Variants in CSMD3 observed in about 807,000 individuals in gnomAD.
CSMD3 encodes the protein CUB and Sushi multiple domains 3, also known as CUB and sushi domain-containing protein 3.
Under a neutral mutation model 435.2 loss-of-function variants are expected in CSMD3, and 177 were observed. The observed-to-expected ratio is 0.41, with a 90% CI of 0.36 to 0.46. The LOEUF (loss-of-function observed/expected upper bound fraction) is 0.46. CSMD3 is among the 20% of genes least tolerant of loss of function. CSMD3 has a pLI of 0.34. For missense variants in CSMD3, 4,265 were observed against 4,504.6 expected, an observed-to-expected ratio of 0.95 and a Z score of 1.52; for synonymous variants, 1,656 against 1,520.5, an observed-to-expected ratio of 1.09 and a Z score of -2.07.
chr8:112,627,959 C>T (rs1834627976), intron 22 of CSMD3, among the ~76,000 whole-genome samples: 1 of 152,128 alleles, frequency 6.6e-6, no homozygotes, highest in Admixed American at 6.6e-5. Context: ...ATTCATGTGC[C>T]AGCTACAGTA....
At chr8:112,467,230 T>G (rs1211790836) in intron 32 of CSMD3, among the ~76,000 whole-genome samples, 2 of 152,206 alleles carry the variant, frequency 1.3e-5, no homozygotes, top group Non-Finnish European at 2.9e-5. Context: ...AGAAGGCAGA[T>G]TACTGGGGCA....
At chr8:112,682,840 AAT>A (rs1246753606) in intron 15 of CSMD3, among the ~76,000 whole-genome samples, 1 of 152,098 alleles carries the variant, frequency 6.6e-6, no homozygotes, top group Non-Finnish European at 1.5e-5. Flanking sequence ...AATAAATGTG[AAT>A]GTTTTAAAAT....
intron 11 of CSMD3, among the ~76,000 whole-genome samples, chr8:112,837,339 T>C (rs1430356015): frequency 6.6e-6 from 1 of 151,712 alleles, no homozygotes; most frequent in Non-Finnish European, 1.5e-5. Flanking sequence ...CCAAACAAAT[T>C]AATGATGCTT....
chr8:113,265,009 A>G (rs1018599708), intron 3 of CSMD3, among the ~76,000 whole-genome samples: 4 of 151,680 alleles, frequency 2.6e-5, no homozygotes, highest in Non-Finnish European at 5.9e-5. Context: ...AATGAGTAAA[A>G]CATGTTCTAT....
At chr8:113,321,020 T>G (rs1035325017) in intron 1 of CSMD3, among the ~76,000 whole-genome samples, 5 of 152,054 alleles carry the variant, frequency 3.3e-5, no homozygotes, top group African/African-American at 1.2e-4. Flanking sequence ...CCCTCTTTGT[T>G]TTTCTATTCT....
At chr8:113,327,476 G>T (rs1377596099) in intron 1 of CSMD3, among the ~76,000 whole-genome samples, 1 of 151,928 alleles carries the variant, frequency 6.6e-6, no homozygotes, top group Non-Finnish European at 1.5e-5. Flanking sequence ...ACTAATAATG[G>T]CATGGAATAT....
intron 1 of CSMD3, among the ~76,000 whole-genome samples, chr8:113,397,914 G>A (rs529737611): frequency 1.3e-5 from 2 of 152,042 alleles, no homozygotes; most frequent in African/African-American, 4.8e-5. Flanking sequence ...TCAAACAGCA[G>A]GTTTTGCTTG....
intron 3 of CSMD3, among the ~76,000 whole-genome samples, chr8:113,218,067 T>C (rs1522060): frequency 0.3 from 45,563 of 150,430 alleles, 7,991 homozygotes; most frequent in East Asian, 0.7. Context: ...GTTCACAGGA[T>C]GCCTTCCTAT....
intron 17 of CSMD3, among the ~76,000 whole-genome samples, chr8:112,657,061 C>CTTTTTT (rs11387284): frequency 7.6e-6 from 1 of 131,634 alleles, no homozygotes; most frequent in African/African-American, 2.8e-5. Context: ...TTTCTTTTTA[C>CTTTTTT]TTTTTTTTTT....
intron 51 of CSMD3, among the ~76,000 whole-genome samples, chr8:112,305,221 T>C (rs896866901): frequency 6.6e-6 from 1 of 152,188 alleles, no homozygotes; most frequent in African/African-American, 2.4e-5. Context: ...GAAAAGACTA[T>C]ATTTTGAGGA....
At chr8:112,700,710 C>T (rs958056049) in intron 13 of CSMD3, among the ~76,000 whole-genome samples, 3 of 152,024 alleles carry the variant, frequency 2.0e-5, no homozygotes, top group Non-Finnish European at 2.9e-5. Context: ...TAACAGTTGC[C>T]GTTTTCTTGT....
intron 32 of CSMD3, among the ~76,000 whole-genome samples, 199 bp from the exon 33 acceptor site, chr8:112,409,231 C>A (rs2130084492): frequency 6.6e-6 from 1 of 151,870 alleles, no homozygotes. Flanking sequence ...AAAGAAGTGA[C>A]CATGACCTAA....
chr8:112,543,557 G>A (rs1166093659), intron 27 of CSMD3, among the ~76,000 whole-genome samples: 1 of 151,984 alleles, frequency 6.6e-6, no homozygotes, highest in East Asian at 1.9e-4. Flanking sequence ...CCTGTCAGGA[G>A]GGTTATTATT....
intron 31 of CSMD3, among the ~76,000 whole-genome samples, chr8:112,477,221 A>G (rs997451531): frequency 6.6e-6 from 1 of 152,164 alleles, no homozygotes; most frequent in Non-Finnish European, 1.5e-5. Flanking sequence ...TGCGATGGAA[A>G]TTGCTTGTTC....
At chr8:112,374,215 A>G (rs1828725929) in intron 38 of CSMD3, among the ~76,000 whole-genome samples, 1 of 152,182 alleles carries the variant, frequency 6.6e-6, no homozygotes, top group South Asian at 2.1e-4. Flanking sequence ...ATAAAATTTT[A>G]AAAAATGATT....
chr8:112,551,266 T>A (rs2131193336), intron 26 of CSMD3, among the ~76,000 whole-genome samples: 1 of 152,236 alleles, frequency 6.6e-6, no homozygotes, highest in East Asian at 1.9e-4. Context: ...ATAATTTTTA[T>A]CTTAATTTTA....
Position 112,638,724 on chromosome 8 carries a change from T to G in CSMD3, c.3498A>C (p.Ser1166=). 1 of 1,599,722 alleles carries G rather than the reference T, an allele frequency of 6.3e-7. No homozygotes were observed. The highest frequency in any genetic ancestry group is 8.6e-7 in the Non-Finnish European group (1 of 1,167,296). ...AGAATGTTATGTTAAATCCTTCATA[T>G]GATATTGAAAAATCTGAAATGAAAC... ...QLRFISDFSI[S]YEGFNITFSE... Residue 1166 remains serine, a synonymous_variant, in exon 21 of 71, where the codon TCA becomes TCC. Transcript: ENST00000297405.
At chr8:113,230,166 T>C (rs2093069389) in intron 3 of CSMD3, among the ~76,000 whole-genome samples, 1 of 151,074 alleles carries the variant, frequency 6.6e-6, no homozygotes, top group African/African-American at 2.4e-5. Flanking sequence ...AGATTGCTAG[T>C]GAAGACCTCC....
intron 22 of CSMD3, among the ~76,000 whole-genome samples, chr8:112,619,114 T>C (rs754511211): frequency 1.4e-4 from 22 of 152,118 alleles, no homozygotes; most frequent in Admixed American, 3.9e-4. Context: ...TATTAAGTGC[T>C]CAACAGCTGA....
Sources: allele counts gnomAD v4.1 joint callset (sites outside exome capture counted in the v4.1 genomes callset), GRCh38; gene constraint gnomAD v4.1.1; transcripts MANE v1.5; gene names NCBI Gene and HGNC (gene_info 2026-07-23, HGNC 2026-07-21).